HADHA: variants seen among roughly 807,000 people sequenced by gnomAD.
HADHA encodes the protein hydroxyacyl-CoA dehydrogenase trifunctional multienzyme complex subunit alpha.
A neutral mutation model predicts 91.3 loss-of-function variants in HADHA; 59 were observed. That is an observed-to-expected ratio of 0.65 (90% CI 0.52 to 0.80). HADHA has a LOEUF of 0.80. Among genes scored for constraint, HADHA ranks in the 30% least tolerant of loss-of-function variants. HADHA has a pLI of 0.00. For synonymous variants in HADHA, 320 were observed against 338.9 expected (o/e 0.94, Z 0.61); for missense variants, 800 against 927.6 (o/e 0.86, Z 1.79).
At chr2:26,224,749 A>T (rs1025128524) in intron 7 of HADHA, among the ~76,000 whole-genome samples, 3 of 152,230 alleles carry the variant, frequency 2.0e-5, no homozygotes, top group African/African-American at 7.2e-5. Flanking sequence ...GGTGTCAAAC[A>T]GACAAGGGGT....
intron 6 of HADHA, among the ~76,000 whole-genome samples, chr2:26,231,870 G>A (rs1425900026): frequency 1.3e-5 from 2 of 151,488 alleles, no homozygotes; most frequent in Admixed American, 6.6e-5. Context: ...TGGGGAGGCT[G>A]AGGCAGGAGA....
At position 26,201,138 on chromosome 2, in the gene HADHA, C is replaced by A; in HGVS notation, c.1392+11G>T. On this transcript the variant is annotated intron_variant, in intron 13 of 19. Transcript: ENST00000380649. ...TACACTAGGATTCAAGTACAACAGC[C>A]CCTTGCTTACCGCTTCTACTTCCTT... is the stretch of plus-strand genomic sequence containing the variant. 1.2e-6 allele frequency: 2 copies of A among 1,600,772 alleles called. No individual in the cohort carries two copies. Among genetic ancestry groups the A allele is most frequent in the Non-Finnish European group, 1.7e-6 (2 of 1,167,890 alleles).
intron 16 of HADHA, among the ~76,000 whole-genome samples, chr2:26,194,145 TG>T (rs1270295365): frequency 6.6e-6 from 1 of 152,158 alleles, no homozygotes. Flanking sequence ...TCCCCAAGTC[TG>T]GGTAAGTGCC....
intron 7 of HADHA, among the ~76,000 whole-genome samples, chr2:26,224,848 A>G (rs951683087): frequency 2.0e-5 from 3 of 152,216 alleles, no homozygotes. Context: ...CTATGAAGGT[A>G]TTTTATAAGT....
At position 26,204,957 on chromosome 2, in the gene HADHA, C is replaced by G. The variant is rs1669937875; in HGVS notation, c.1086-761G>C. 2.0e-5 allele frequency among the ~76,000 whole-genome samples: 3 copies of G among 152,312 alleles called. No homozygotes were observed. The South Asian group carries it at 6.2e-4, about 32-fold the overall frequency. On this transcript the variant is annotated intron_variant, in intron 11 of 19. Transcript: ENST00000380649. ...GAATTCAAAGTCTCCTCCATGGTCT[C>G]TTTGCTTCCAGACCTTATCCCTTCC...
chr2:26,209,060 A>G (rs781067424), intron 11 of HADHA, among the ~76,000 whole-genome samples: 2 of 152,140 alleles, frequency 1.3e-5, no homozygotes, highest in Non-Finnish European at 2.9e-5. Flanking sequence ...TTCGAACTGG[A>G]TATTTCTTTA....
chr2:26,232,943 A>G (rs9917132), intron 5 of HADHA, among the ~76,000 whole-genome samples: 125,695 of 148,826 alleles, frequency 0.84, 54,836 homozygotes, highest in Middle Eastern at 0.96. Flanking sequence ...AGGTTTTGTG[A>G]AAGGCAATTT....
chr2:26,215,732 A>C (rs1166301008), intron 7 of HADHA, among the ~76,000 whole-genome samples: 1 of 152,224 alleles, frequency 6.6e-6, no homozygotes, highest in Admixed American at 6.5e-5. Context: ...CATGTACAAC[A>C]GATTAGAAGC....
At chr2:26,209,285 C>A (rs1390492258) in intron 11 of HADHA, among the ~76,000 whole-genome samples, 1 of 152,024 alleles carries the variant, frequency 6.6e-6, no homozygotes. Flanking sequence ...TATTAGGCAG[C>A]GTAATATGGA....
At chr2:26,242,901 A>C (rs979171067) in intron 1 of HADHA, among the ~76,000 whole-genome samples, 3 of 152,084 alleles carry the variant, frequency 2.0e-5, no homozygotes, top group African/African-American at 7.2e-5. Context: ...ACAGGCGCCC[A>C]CCAACACGTC....
intron 13 of HADHA, among the ~76,000 whole-genome samples, 156 bp from the exon 14 acceptor site, chr2:26,197,933 C>G (rs1225836763): frequency 6.6e-6 from 1 of 152,166 alleles, no homozygotes; most frequent in African/African-American, 2.4e-5. Context: ...GACGGATCAC[C>G]TAGGGGGTTT....
intron 7 of HADHA, among the ~76,000 whole-genome samples, chr2:26,225,324 T>C (rs1574620597): frequency 6.7e-6 from 1 of 148,638 alleles, no homozygotes; most frequent in African/African-American, 2.5e-5. Flanking sequence ...CTGTTTCTAC[T>C]AAAAATACAA....
chr2:26,241,640 G>C (rs375205174), intron 1 of HADHA, among the ~76,000 whole-genome samples: 1 of 151,558 alleles, frequency 6.6e-6, no homozygotes, highest in South Asian at 2.1e-4. Context: ...GACACAGTGA[G>C]ACTCCGTCTC....
chr2:26,243,463 T>C (rs780122055), intron 1 of HADHA, among the ~76,000 whole-genome samples: 24 of 152,100 alleles, frequency 1.6e-4, no homozygotes, highest in Non-Finnish European at 2.6e-4. Context: ...AATGTGCTTA[T>C]GTTATAATTG....
intron 13 of HADHA, among the ~76,000 whole-genome samples, chr2:26,199,637 C>T (rs1451413789): frequency 6.6e-6 from 1 of 152,194 alleles, no homozygotes; most frequent in Non-Finnish European, 1.5e-5. Flanking sequence ...TTTTTATCAA[C>T]ACAATGCAGC....
rs557504823 is a variant in HADHA at position 26,206,028 on chromosome 2, C to T, written c.1086-1832G>A. On this transcript the variant is annotated intron_variant, in intron 11 of 19. Coordinates refer to ENST00000380649, the MANE Select transcript of HADHA (RefSeq NM_000182.5). ...AAAGATGCTCAATTTCAGCCAGGCA[C>T]GGTAGCTCATGCCTGTAATCCTAAC... Among the ~76,000 whole-genome samples the T allele has an allele frequency of 8.2e-4, 125 of 152,062 alleles. 3 individuals are homozygous for T. Among genetic ancestry groups the T allele is most frequent in the Non-Finnish European group, 7.2e-4 (49 of 67,988 alleles).
intron 7 of HADHA, among the ~76,000 whole-genome samples, chr2:26,216,202 G>A (rs1670215156): frequency 1.3e-5 from 2 of 152,140 alleles, no homozygotes; most frequent in Admixed American, 1.3e-4. Context: ...TGGAGGAGGT[G>A]GCTGGGGTCA....
chr2:26,236,720 C>G, intron 4 of HADHA, 135 bp downstream of exon 4: 1 of 708,578 alleles, frequency 1.4e-6, no homozygotes, highest in East Asian at 2.6e-5. Context: ...CAGCCTGATA[C>G]GTACATTTTC....
intron 11 of HADHA, among the ~76,000 whole-genome samples, chr2:26,207,567 T>G (rs1359400546): frequency 6.6e-6 from 1 of 152,182 alleles, no homozygotes; most frequent in Non-Finnish European, 1.5e-5. Context: ...CTTCACAATC[T>G]ACGGAATCCT....
Sources: gnomAD v4.1 joint callset for allele counts (sites outside exome capture counted in the v4.1 genomes callset) on GRCh38, gnomAD v4.1.1 for gene constraint, MANE v1.5 for transcripts, NCBI Gene and HGNC (gene_info 2026-07-23, HGNC 2026-07-21) for gene names.